Variants in DGKI observed in about 807,000 individuals in gnomAD.
DGKI encodes diacylglycerol kinase iota.
A neutral mutation model predicts 147.5 loss-of-function variants in DGKI; 55 were observed. That is an observed-to-expected ratio of 0.37 (90% CI 0.30 to 0.47). The LOEUF (loss-of-function observed/expected upper bound fraction) is 0.47, where lower values mean the gene tolerates loss of function less well. DGKI is among the 20% of genes least tolerant of loss of function. The pLI is 1.00. For synonymous variants in DGKI, 469 were observed against 477.1 expected, an observed-to-expected ratio of 0.98 and a Z score of 0.22; for missense variants, 1,007 against 1,323.8, an observed-to-expected ratio of 0.76 and a Z score of 3.71.
chr7:137,635,502 C>A (rs1023029987), intron 6 of DGKI, among the ~76,000 whole-genome samples: 1 of 152,148 alleles, frequency 6.6e-6, no homozygotes, highest in African/African-American at 2.4e-5. Flanking sequence ...CAAGGGCTTA[C>A]GAAATGTGTG....
intron 23 of DGKI, 23 bp from the exon 24 acceptor site, chr7:137,469,642 T>C: frequency 6.2e-7 from 1 of 1,609,006 alleles, no homozygotes; most frequent in Non-Finnish European, 8.5e-7. Flanking sequence ...ACACACACTC[T>C]AGTGGCTGCA....
At chr7:137,605,653 G>A (rs988397974) in intron 10 of DGKI, among the ~76,000 whole-genome samples, 3 of 152,172 alleles carry the variant, frequency 2.0e-5, no homozygotes, top group African/African-American at 4.8e-5. Flanking sequence ...CCTGTCATTT[G>A]CAGCAACAAA....
intron 1 of DGKI, among the ~76,000 whole-genome samples, chr7:137,832,216 G>C (rs1031708093): frequency 2.0e-5 from 3 of 152,246 alleles, no homozygotes; most frequent in African/African-American, 7.2e-5. Flanking sequence ...TCTTCTCACA[G>C]CTTCAATAGG....
At chr7:137,579,436 T>TAA (rs71533758) in intron 15 of DGKI, among the ~76,000 whole-genome samples, 2,441 of 108,112 alleles carry the variant, frequency 0.023, 82 homozygotes, top group African/African-American at 0.067. Context: ...ACAGAAACAG[T>TAA]AAAAAAAAAA....
chr7:137,591,223 A>G (rs1166932668), intron 12 of DGKI, among the ~76,000 whole-genome samples: 1 of 152,120 alleles, frequency 6.6e-6, no homozygotes, highest in East Asian at 1.9e-4. Context: ...TCATCAATCA[A>G]TTTGCTTTAT....
chr7:137,620,163 A>G (rs539865930), intron 7 of DGKI, among the ~76,000 whole-genome samples: 1 of 152,248 alleles, frequency 6.6e-6, no homozygotes, highest in East Asian at 1.9e-4. Flanking sequence ...CCAGGAGCTT[A>G]GAGACCAGAC....
At position 137,694,437 on chromosome 7, in the gene DGKI, T is replaced by C. The variant is rs144615409; in HGVS notation, c.402-4435A>G. On this transcript the variant is annotated intron_variant, in intron 1 of 32. Transcript: ENST00000614521. ...TCTGGTTCCAGTTTCAGTCTGATTGTAGGTTTATGTGGCTCCCGTTTTCTA... is the reference window on the plus strand; with the variant it reads ...TCTGGTTCCAGTTTCAGTCTGATTGCAGGTTTATGTGGCTCCCGTTTTCTA... Among the ~76,000 whole-genome samples the C allele has an allele frequency of 3.7e-3, 563 of 152,318 alleles. 5 individuals are homozygous for C. The highest frequency in any genetic ancestry group is 6.1e-3 in the Non-Finnish European group (416 of 68,016).
intron 1 of DGKI, among the ~76,000 whole-genome samples, chr7:137,808,632 G>A (rs1797457322): frequency 6.6e-6 from 1 of 152,184 alleles, no homozygotes; most frequent in Admixed American, 6.6e-5. Context: ...GGATAATAAT[G>A]TAGGTCAATG....
intron 1 of DGKI, among the ~76,000 whole-genome samples, chr7:137,764,029 A>C (rs3778813): frequency 0.44 from 66,663 of 152,126 alleles, 15,692 homozygotes; most frequent in African/African-American, 0.62. Context: ...AAGCCCCTAA[A>C]AGTGTCAAGT....
chr7:137,438,578 G>A (rs1161074075), intron 28 of DGKI, among the ~76,000 whole-genome samples: 2 of 152,020 alleles, frequency 1.3e-5, no homozygotes. Flanking sequence ...CTATTCCCAG[G>A]TTTAAGCGCA....
chr7:137,680,202 C>G (rs1326545666), intron 2 of DGKI, among the ~76,000 whole-genome samples: 1 of 152,058 alleles, frequency 6.6e-6, no homozygotes, highest in African/African-American at 2.4e-5. Context: ...AAGCAGCTGT[C>G]TGCAAGTGAG....
rs963834830 is a variant in DGKI, at chr7:137,383,311, T to A, written c.*7909A>T. ...ATTCCCAAATCTCCTAAAAAAGATA[T>A]GTTTCTACTAAAGCATAGGTGTGTT... On this transcript the variant is annotated 3_prime_UTR_variant, in exon 33 of 33. Coordinates refer to ENST00000614521, the MANE Select transcript of DGKI (RefSeq NM_001321708.2). 2.6e-5 allele frequency: 4 copies of A among 151,316 alleles called. No homozygotes were observed. Among genetic ancestry groups the A allele is most frequent in the African/African-American group, 9.7e-5 (4 of 41,232 alleles). 9.4% of individuals were successfully genotyped at this position (151,316 alleles called of 1,614,324 possible). A position where few individuals can be genotyped will look rare whatever the true frequency, so the allele number is the denominator to read the frequency against.
At chr7:137,605,044 A>G (rs1481062031) in intron 10 of DGKI, among the ~76,000 whole-genome samples, 1 of 152,168 alleles carries the variant, frequency 6.6e-6, no homozygotes, top group Non-Finnish European at 1.5e-5. Flanking sequence ...GGCTGGGCAC[A>G]GTGCTATAAT....
In DGKI at chr7:137,407,982, T is replaced by C. The variant is rs1812019168; in HGVS notation, c.2813A>G (p.Tyr938Cys). Residue 938 changes from tyrosine (Y) to cysteine (C), a missense_variant, in exon 30 of 33, where the codon TAT becomes TGT. Coordinates refer to ENST00000614521, the MANE Select transcript of DGKI (RefSeq NM_001321708.2). ...AGDLMKLIES[Y>C]KNGGSLLIQG... ...AATTAGCAGACTGCCTCCATTTTTA[T>C]AGCTTTCTATTAGCTGCAAAGAGAG... 1 of 1,574,132 alleles carries C rather than the reference T, an allele frequency of 6.4e-7. No homozygotes were observed. The highest frequency in any genetic ancestry group is 8.6e-7 in the Non-Finnish European group (1 of 1,166,748).
intron 5 of DGKI, among the ~76,000 whole-genome samples, chr7:137,651,309 G>A (rs903251411): frequency 2.0e-4 from 30 of 152,252 alleles, no homozygotes; most frequent in African/African-American, 6.3e-4. Context: ...AACAGAATTG[G>A]AGACAGTTGG....
At chr7:137,585,014 G>A (rs1445645972) in intron 14 of DGKI, among the ~76,000 whole-genome samples, 195 bp downstream of exon 14, 3 of 152,086 alleles carry the variant, frequency 2.0e-5, no homozygotes, top group Non-Finnish European at 1.5e-5. Context: ...ACGGAATCTA[G>A]GTATTTAGAG....
intron 1 of DGKI, among the ~76,000 whole-genome samples, chr7:137,832,445 C>T (rs1461864381): frequency 6.6e-6 from 1 of 152,210 alleles, no homozygotes; most frequent in Non-Finnish European, 1.5e-5. Flanking sequence ...TGGAAGTTTC[C>T]AAGGATTAAG....
At chr7:137,834,385 G>A (rs907217470) in intron 1 of DGKI, among the ~76,000 whole-genome samples, 4 of 152,212 alleles carry the variant, frequency 2.6e-5, no homozygotes, top group African/African-American at 9.6e-5. Flanking sequence ...ACATATATGA[G>A]AGGCATTAAT....
intron 1 of DGKI, among the ~76,000 whole-genome samples, chr7:137,732,206 T>C (rs1241268207): frequency 6.6e-6 from 1 of 152,040 alleles, no homozygotes; most frequent in Non-Finnish European, 1.5e-5. Context: ...TAAATACACA[T>C]TTTGTATGCC....
Sources: gnomAD v4.1 joint callset for allele counts (sites outside exome capture counted in the v4.1 genomes callset) on GRCh38, gnomAD v4.1.1 for gene constraint, MANE v1.5 for transcripts, NCBI Gene and HGNC (gene_info 2026-07-23, HGNC 2026-07-21) for gene names.